The following SLC35F2 variants were observed in gnomAD, a reference collection of about 807,000 sequenced individuals.
The protein encoded by SLC35F2 is solute carrier family 35 member F2, also known as queuine/queuosine transporter SLC35F2.
SLC35F2 carries 25 observed loss-of-function variants against 38.1 expected under a neutral mutation model. The observed-to-expected ratio is 0.66, with a 90% confidence interval of 0.48 to 0.92. SLC35F2 has a LOEUF of 0.92. SLC35F2 is among the 40% of genes least tolerant of loss of function. The pLI, the probability that SLC35F2 is intolerant of heterozygous loss-of-function variation, is 0.00. For missense variants in SLC35F2, 409 were observed against 452.9 expected (o/e 0.90, Z 0.88); for synonymous variants, 173 against 181.7 (o/e 0.95, Z 0.38).
At chr11:107,803,436 A>G (rs1478149569) in intron 6 of SLC35F2, 1 of 984,768 alleles carries the variant, frequency 1.0e-6, no homozygotes, top group Non-Finnish European at 1.2e-6. Flanking sequence ...CATTGCTCTT[A>G]ATCACCCCTT....
intron 2 of SLC35F2, among the ~76,000 whole-genome samples, chr11:107,814,388 G>A (rs1859529974): frequency 6.6e-6 from 1 of 151,628 alleles, no homozygotes; most frequent in East Asian, 2.0e-4. Flanking sequence ...CCAGGAGGCA[G>A]AGATTGCAGT....
At chr11:107,847,161 G>C (rs1346181694) in intron 1 of SLC35F2, among the ~76,000 whole-genome samples, 1 of 152,068 alleles carries the variant, frequency 6.6e-6, no homozygotes, top group Non-Finnish European at 1.5e-5. Context: ...TCCTGCTTCA[G>C]CCTTCCAAGT....
chr11:107,832,417 A>C (rs1284547814), intron 1 of SLC35F2, among the ~76,000 whole-genome samples: 2 of 152,214 alleles, frequency 1.3e-5, no homozygotes, highest in African/African-American at 2.4e-5. Flanking sequence ...TGATTGACTA[A>C]ACCTTAAAAG....
intron 5 of SLC35F2, 130 bp downstream of exon 5, chr11:107,805,229 A>G: frequency 7.2e-7 from 1 of 1,385,018 alleles, no homozygotes; most frequent in Non-Finnish European, 9.4e-7. Flanking sequence ...GCAAAACCAC[A>G]ATTACTCTTG....
intron 1 of SLC35F2, among the ~76,000 whole-genome samples, chr11:107,844,975 CAAGAAAAAAAAAA>C (rs1860081870): frequency 9.4e-6 from 1 of 106,578 alleles, no homozygotes; most frequent in Non-Finnish European, 1.9e-5. Context: ...GACTCCATCT[CAAGAAAAAAAAAA>C]AAAAAAAGAA....
chr11:107,815,076 TAA>T (rs1183825338), intron 2 of SLC35F2, among the ~76,000 whole-genome samples: 1 of 150,854 alleles, frequency 6.6e-6, no homozygotes, highest in Non-Finnish European at 1.5e-5. Flanking sequence ...AGACTCTGTA[TAA>T]AAAAAAAGAG....
chr11:107,802,833 A>C (rs1859331984), intron 7 of SLC35F2, among the ~76,000 whole-genome samples, 168 bp downstream of exon 7: 1 of 152,234 alleles, frequency 6.6e-6, no homozygotes, highest in Admixed American at 6.5e-5. Flanking sequence ...GACAATTCTT[A>C]CGTGAACCCA....
intron 1 of SLC35F2, among the ~76,000 whole-genome samples, chr11:107,834,928 T>A (rs1009838624): frequency 6.6e-6 from 1 of 152,214 alleles, no homozygotes; most frequent in African/African-American, 2.4e-5. Context: ...TCAATCATAT[T>A]GTCCACACTA....
At chr11:107,808,520 A>G (rs1859431431) in intron 3 of SLC35F2, among the ~76,000 whole-genome samples, 1 of 152,046 alleles carries the variant, frequency 6.6e-6, no homozygotes, top group African/African-American at 2.4e-5. Context: ...TTTATTGCTC[A>G]CCCTTTTGTT....
intron 1 of SLC35F2, among the ~76,000 whole-genome samples, chr11:107,826,488 T>G (rs1859757139): frequency 6.6e-6 from 1 of 152,072 alleles, no homozygotes. Context: ...AGGTGATCCA[T>G]TCTCCTTGGC....
Position 107,792,780 on chromosome 11 carries a change from CAGGATGTAG to C in SLC35F2, c.951_959del (p.Tyr318_Leu320del). On this transcript the variant is annotated inframe_deletion, in exon 8 of 8. Transcript: ENST00000525815. The stretch of plus-strand genomic sequence containing the variant: ...ACCCCACCATGATGACAGTGAAGGA[CAGGATGTAG>C]AGTCCTGAAAACTAGAAGGGAAGAA... The C allele has an allele frequency of 6.3e-7, 1 of 1,592,784 alleles. No individual in the cohort carries two copies. Among genetic ancestry groups the C allele is most frequent in the Non-Finnish European group, 8.6e-7 (1 of 1,168,278 alleles).
intron 7 of SLC35F2, among the ~76,000 whole-genome samples, chr11:107,799,888 T>TTTG (rs1859279307): frequency 4.0e-5 from 3 of 74,106 alleles, no homozygotes; most frequent in African/African-American, 3.7e-4. Flanking sequence ...TTTTTGTTTG[T>TTTG]TTTTGTTTTT....
At chr11:107,802,799 C>T (rs530345958) in intron 7 of SLC35F2, among the ~76,000 whole-genome samples, 1 of 152,300 alleles carries the variant, frequency 6.6e-6, no homozygotes, top group African/African-American at 2.4e-5. Context: ...CCATGTATTT[C>T]ACTCTTTAGA....
intron 1 of SLC35F2, among the ~76,000 whole-genome samples, chr11:107,822,677 T>C (rs2134807556): frequency 6.6e-6 from 1 of 152,236 alleles, no homozygotes; most frequent in Non-Finnish European, 1.5e-5. Context: ...GCAAATAGGG[T>C]ATTTGCTATT....
intron 1 of SLC35F2, among the ~76,000 whole-genome samples, chr11:107,835,356 G>A (rs1425348743): frequency 6.6e-6 from 1 of 152,034 alleles, no homozygotes; most frequent in Non-Finnish European, 1.5e-5. Flanking sequence ...CTAGAGACTG[G>A]AATGTGTGCG....
chr11:107,850,683 G>A (rs188175475), intron 1 of SLC35F2, among the ~76,000 whole-genome samples: 4 of 151,640 alleles, frequency 2.6e-5, no homozygotes, highest in African/African-American at 7.3e-5. Flanking sequence ...TTAGCCGAAC[G>A]TGGTGGCAGG....
chr11:107,803,618 TTA>T (rs1291440191), intron 6 of SLC35F2: 94 of 490,858 alleles, frequency 1.9e-4, no homozygotes, highest in Non-Finnish European at 2.3e-4. Flanking sequence ...TCAAAGACAG[TTA>T]TTAGGTCCAT....
chr11:107,819,440 C>T lies in SLC35F2; in HGVS notation c.111-3475G>A, dbSNP rs114298068. ...AAAACGTTAAGGATTTCCTCCCCTA[C>T]AGGTAGCATTCTTTCTAAGCATGCT... is the stretch of plus-strand genomic sequence containing the variant. On this transcript the variant is annotated intron_variant, in intron 1 of 7. Coordinates refer to ENST00000525815, the MANE Select transcript of SLC35F2 (RefSeq NM_017515.5). Among the ~76,000 whole-genome samples, 321 of 152,306 alleles carry T rather than the reference C, an allele frequency of 2.1e-3. 1 individual carries two copies. Among genetic ancestry groups the T allele is most frequent in the African/African-American group, 7.1e-3 (295 of 41,584 alleles).
intron 1 of SLC35F2, among the ~76,000 whole-genome samples, chr11:107,828,876 G>T (rs1859793715): frequency 6.6e-6 from 1 of 152,128 alleles, no homozygotes; most frequent in African/African-American, 2.4e-5. Context: ...GGAGGCCGAG[G>T]TGGGCAGATC....
Sources: allele counts gnomAD v4.1 joint callset (sites outside exome capture counted in the v4.1 genomes callset), GRCh38; gene constraint gnomAD v4.1.1; transcripts MANE v1.5; gene names NCBI Gene and HGNC (gene_info 2026-07-23, HGNC 2026-07-21).